The following IL5RA variants were observed in gnomAD, a reference collection of about 807,000 sequenced individuals.
IL5RA encodes the protein interleukin 5 receptor subunit alpha.
In IL5RA, 49 loss-of-function variants were observed where a neutral mutation model predicts 50.0. The observed-to-expected ratio is 0.98, with a 90% confidence interval of 0.78 to 1.24. IL5RA has a LOEUF of 1.24. Among genes scored for constraint, IL5RA ranks in the 50% most tolerant of loss-of-function variants. The pLI is 0.00. For synonymous variants in IL5RA, 202 were observed against 174.0 expected (o/e 1.16, Z -1.26); for missense variants, 600 against 500.4 (o/e 1.20, Z -1.90).
chr3:3,074,446 T>G (rs1255027539), intron 11 of IL5RA, among the ~76,000 whole-genome samples: 1 of 152,184 alleles, frequency 6.6e-6, no homozygotes, highest in Non-Finnish European at 1.5e-5. Context: ...CTTTCCAATA[T>G]GTCAGAAGAG....
intron 9 of IL5RA, among the ~76,000 whole-genome samples, chr3:3,089,768 G>A (rs1024362482): frequency 1.3e-4 from 19 of 151,868 alleles, no homozygotes; most frequent in African/African-American, 2.9e-4. Flanking sequence ...GACTACAGGC[G>A]CGCACCACCA....
chr3:3,066,501 G>A lies in IL5RA; in HGVS notation c.*3724C>T, dbSNP rs1237349728. On this transcript the variant is annotated 3_prime_UTR_variant, in exon 12 of 12. Coordinates refer to ENST00000446632, the MANE Select transcript of IL5RA (RefSeq NM_175726.4). ...CTCAATTTGAAGGATGTAGAAGCAG[G>A]AATAGCTACAGTCCTTAGGCTAGCA... 6.6e-6 allele frequency: 1 copy of A among 152,184 alleles called. No individual in the cohort carries two copies. Among genetic ancestry groups the A allele is most frequent in the African/African-American group, 2.4e-5 (1 of 41,442 alleles). 9.4% of individuals were successfully genotyped at this position (152,184 alleles called of 1,614,324 possible).
intron 3 of IL5RA, 153 bp from the exon 4 acceptor site, chr3:3,102,973 G>A (rs1703726495): frequency 3.7e-6 from 2 of 543,764 alleles, no homozygotes; most frequent in South Asian, 2.7e-5. Context: ...TAACACCGGG[G>A]CAAAGAGAAA....
chr3:3,088,426 C>G (rs1018154630), intron 9 of IL5RA, among the ~76,000 whole-genome samples: 4 of 152,198 alleles, frequency 2.6e-5, no homozygotes, highest in Admixed American at 2.0e-4. Context: ...CAGGAGATCA[C>G]GATTCCTTCT....
chr3:3,091,201 T>G (rs1703082583), intron 9 of IL5RA, among the ~76,000 whole-genome samples: 1 of 152,194 alleles, frequency 6.6e-6, no homozygotes, highest in Admixed American at 6.5e-5. Flanking sequence ...TACACAGTTT[T>G]GGAATCTTCT....
At chr3:3,076,471 G>T (rs933074912) in intron 10 of IL5RA, 60 bp downstream of exon 10, 15 of 1,061,830 alleles carry the variant, frequency 1.4e-5, no homozygotes, top group Middle Eastern at 2.0e-4. Flanking sequence ...TGCATGGTAA[G>T]CCTGTAAAAA....
intron 2 of IL5RA, among the ~76,000 whole-genome samples, chr3:3,105,215 G>T (rs1466066784): frequency 6.6e-6 from 1 of 152,164 alleles, no homozygotes; most frequent in East Asian, 1.9e-4. Context: ...ATGTAAACCA[G>T]TTGAAAAACT....
intron 9 of IL5RA, chr3:3,090,058 G>A: frequency 1.5e-6 from 1 of 661,602 alleles, no homozygotes. Context: ...TGTTGGCCAT[G>A]CAGAACAGAG....
At chr3:3,076,695 G>T (rs1702497991) in intron 9 of IL5RA, 68 bp from the exon 10 acceptor site, 1 of 1,016,922 alleles carries the variant, frequency 9.8e-7, no homozygotes, top group Non-Finnish European at 1.5e-6. Context: ...TAAAAGAAAT[G>T]ATGAGGCTTG....
At chr3:3,109,168 C>T (rs1704069195) in intron 1 of IL5RA, among the ~76,000 whole-genome samples, 1 of 152,078 alleles carries the variant, frequency 6.6e-6, no homozygotes, top group Non-Finnish European at 1.5e-5. Context: ...TCCATTTCAT[C>T]CTTTTTTCTG....
rs574691006 is a variant in IL5RA, at chr3:3,084,030, T to TGA, written c.995-7405_995-7404dup. ...TTGTGTGACTGCCCTCCAGCCTGGG[T>TGA]GAGAGAGTGAGACTCCATCTCATAA... On this transcript the variant is annotated intron_variant, in intron 9 of 11. Transcript: ENST00000446632. Among the ~76,000 whole-genome samples the TGA allele has an allele frequency of 1.6e-4, 22 of 134,152 alleles. 1 individual carries two copies. In the South Asian group the frequency reaches 2.3e-3, roughly 14 times the overall value. 88.0% of individuals were successfully genotyped at this position (134,152 alleles called of 152,430 possible). A position where few individuals can be genotyped will look rare whatever the true frequency, so the allele number is the denominator to read the frequency against.
At chr3:3,096,089 T>C (rs1006451992) in intron 7 of IL5RA, among the ~76,000 whole-genome samples, 3 of 151,946 alleles carry the variant, frequency 2.0e-5, no homozygotes, top group Admixed American at 6.6e-5. Flanking sequence ...CCATCCTGGC[T>C]AACGTGGTGA....
intron 5 of IL5RA, among the ~76,000 whole-genome samples, chr3:3,101,208 A>T (rs1469263405): frequency 2.0e-5 from 3 of 150,464 alleles, no homozygotes; most frequent in Non-Finnish European, 4.4e-5. Context: ...AAATGAGAAG[A>T]TCTTTATGTT....
chr3:3,097,883 G>A lies in IL5RA; in HGVS notation c.696C>T (p.Ala232=), dbSNP rs755757294. Residue 232 remains alanine (A), a synonymous_variant, in exon 7 of 12, where the codon GCC becomes GCT. Transcript: ENST00000446632. ...AGTCGGTCTTACCAATGGCGTGAAG[G>A]GCAAACAGCTGATCAAAGGGCCTGA... ...SAIRPFDQLF[A]LHAIDQINPP... is the part of the protein sequence containing the mutation. 3 of 1,613,546 alleles carry A rather than the reference G, an allele frequency of 1.9e-6. No individual in the cohort carries two copies. Among genetic ancestry groups the A allele is most frequent in the South Asian group, 1.1e-5 (1 of 91,024 alleles).
At chr3:3,070,872 C>T (rs1054025075) in intron 11 of IL5RA, among the ~76,000 whole-genome samples, 8 of 152,114 alleles carry the variant, frequency 5.3e-5, no homozygotes, top group African/African-American at 7.2e-5. Context: ...TGAGCCACCA[C>T]GCCCGGCCGG....
chr3:3,074,119 G>A (rs563506799), intron 11 of IL5RA, among the ~76,000 whole-genome samples: 42 of 152,356 alleles, frequency 2.8e-4, no homozygotes, highest in African/African-American at 9.1e-4. Flanking sequence ...CTGAACCTAA[G>A]CGCTCTGAAT....
At chr3:3,083,008 C>T (rs17878327) in intron 9 of IL5RA, among the ~76,000 whole-genome samples, 33 of 152,282 alleles carry the variant, frequency 2.2e-4, no homozygotes, top group African/African-American at 7.7e-4. Context: ...GTTTTTAGAG[C>T]CAGCAGGTGC....
At chr3:3,105,298 A>G (rs969239280) in intron 2 of IL5RA, among the ~76,000 whole-genome samples, 15 of 152,228 alleles carry the variant, frequency 9.9e-5, no homozygotes, top group African/African-American at 3.4e-4. Context: ...GGTGAACTAG[A>G]GTCCTTGACG....
intron 2 of IL5RA, among the ~76,000 whole-genome samples, chr3:3,107,421 A>G (rs1703980005): frequency 6.7e-6 from 1 of 148,686 alleles, no homozygotes; most frequent in Non-Finnish European, 1.5e-5. Context: ...TCTTCAGGCC[A>G]TTTCTTTAAT....
Sources: gnomAD v4.1 joint callset for allele counts (sites outside exome capture counted in the v4.1 genomes callset) on GRCh38, gnomAD v4.1.1 for gene constraint, MANE v1.5 for transcripts, NCBI Gene and HGNC (gene_info 2026-07-23, HGNC 2026-07-21) for gene names.